Variants in PRELID2 observed in about 807,000 individuals in gnomAD.
PRELID2 encodes the protein PRELI domain-containing protein 2.
In PRELID2, 25 loss-of-function variants were observed where a neutral mutation model predicts 28.4. The observed-to-expected ratio is 0.88, with a 90% CI of 0.64 to 1.23. PRELID2 has a LOEUF of 1.23. Among genes scored for constraint, PRELID2 ranks in the 50% most tolerant of loss-of-function variants. The probability of loss-of-function intolerance (pLI) is 0.00; values close to 1 mark genes in which losing one functional copy is unlikely to be tolerated. For synonymous variants in PRELID2, 76 were observed against 71.6 expected, an observed-to-expected ratio of 1.06 and a Z score of -0.31; for missense variants, 201 against 214.4, an observed-to-expected ratio of 0.94 and a Z score of 0.39.
intron 1 of PRELID2, among the ~76,000 whole-genome samples, chr5:145,652,833 C>T (rs1754322205): frequency 6.6e-6 from 1 of 152,166 alleles, no homozygotes; most frequent in Admixed American, 6.5e-5. Context: ...TAGAAAGAAA[C>T]TGCATCAATT....
At chr5:145,325,264 C>T in the PRELID2 span, among the ~76,000 whole-genome samples, 5 of 152,182 alleles carry the variant, frequency 3.3e-5, no homozygotes, top group African/African-American at 1.2e-4. Flanking sequence ...TATTATTTCT[C>T]AGGCATAATT....
At chr5:145,790,013 G>A (rs1752261902) in intron 5 of PRELID2, among the ~76,000 whole-genome samples, 1 of 152,188 alleles carries the variant, frequency 6.6e-6, no homozygotes, top group Admixed American at 6.5e-5. Context: ...TGGCAAGAAT[G>A]AGGAGAAAAG....
At chr5:145,725,961 T>C (rs890228840) in intron 1 of PRELID2, among the ~76,000 whole-genome samples, 1 of 152,068 alleles carries the variant, frequency 6.6e-6, no homozygotes, top group African/African-American at 2.4e-5. Context: ...GGCAGGTAGA[T>C]CACTTGAGCC....
Position 145,729,020 on chromosome 5 carries a change from A to G in PRELID2, n.70+35911T>C, listed in dbSNP as rs142299251. On this transcript the variant is annotated intron_variant and non_coding_transcript_variant, in intron 1 of 2. Coordinates refer to the PRELID2 transcript ENST00000510259. ...CCCACTCCCTCCTGGCCAAAGTAAC[A>G]TTGGGAGATAATGTGAAATACTACA... 1.3e-4 allele frequency: 89 copies of G among 686,264 alleles called. 2 individuals carry two copies. The highest frequency in any genetic ancestry group is 1.2e-3 in the African/African-American group (70 of 56,086). 42.5% of individuals were successfully genotyped at this position (686,264 alleles called of 1,614,324 possible). A position where few individuals can be genotyped will look rare whatever the true frequency, so the allele number is the denominator to read the frequency against.
the PRELID2 span, among the ~76,000 whole-genome samples, chr5:145,459,758 T>G: frequency 6.6e-6 from 1 of 152,076 alleles, no homozygotes; most frequent in Non-Finnish European, 1.5e-5. Flanking sequence ...TTTTCTTTAT[T>G]ATCTATAGTT....
the PRELID2 span, among the ~76,000 whole-genome samples, chr5:145,260,673 G>T: frequency 6.6e-6 from 1 of 152,134 alleles, no homozygotes; most frequent in Non-Finnish European, 1.5e-5. Context: ...TCAGAGAAAA[G>T]GGCAGAAAAA....
intron 1 of PRELID2, among the ~76,000 whole-genome samples, chr5:145,824,996 C>T (rs192317483): frequency 5.1e-4 from 78 of 151,864 alleles, no homozygotes; most frequent in African/African-American, 1.4e-3. Flanking sequence ...GAGGCTGAGG[C>T]GGGTGGATCA....
chr5:145,556,145 T>C lies in PRELID2; in HGVS notation n.71-82830A>G, dbSNP rs188822391. Among the ~76,000 whole-genome samples the C allele has an allele frequency of 2.2e-3, 292 of 131,800 alleles. 13 individuals are homozygous for C. The East Asian group carries it at 0.051, about 23-fold the overall frequency. 86.5% of individuals were successfully genotyped at this position (131,800 alleles called of 152,430 possible). A position where few individuals can be genotyped will look rare whatever the true frequency, so the allele number is the denominator to read the frequency against. ...GTGAGCCAAGATCACGCCACTGCAC[T>C]CCAGCCTGAGCAACAGAGCGAGACT... On this transcript the variant is annotated intron_variant and non_coding_transcript_variant, in intron 1 of 2. Transcript: ENST00000510259.
chr5:145,589,332 C>T (rs1186869258), intron 1 of PRELID2, among the ~76,000 whole-genome samples: 1 of 152,044 alleles, frequency 6.6e-6, no homozygotes, highest in Non-Finnish European at 1.5e-5. Flanking sequence ...TTACTCTACA[C>T]AAGGTGAATT....
chr5:145,595,463 C>A (rs1753291942), intron 1 of PRELID2, among the ~76,000 whole-genome samples: 1 of 152,130 alleles, frequency 6.6e-6, no homozygotes, highest in South Asian at 2.1e-4. Flanking sequence ...ACTGGCAAAG[C>A]TCCACCTTTG....
chr5:145,787,804 G>T (rs1229184650), intron 5 of PRELID2, among the ~76,000 whole-genome samples: 1 of 152,128 alleles, frequency 6.6e-6, no homozygotes, highest in African/African-American at 2.4e-5. Context: ...GCGTCCCAAA[G>T]TGCTGGGATT....
the PRELID2 span, chr5:145,429,810 C>T: frequency 1.3e-5 from 2 of 152,220 alleles, no homozygotes; most frequent in East Asian, 3.9e-4. Context: ...ACAATGTGCT[C>T]ATTCTGGGCC....
chr5:145,282,774 C>T, the PRELID2 span, among the ~76,000 whole-genome samples: 5 of 152,130 alleles, frequency 3.3e-5, no homozygotes, highest in Non-Finnish European at 5.9e-5. Context: ...CTGCCTCTGC[C>T]TCCCACTGTG....
chr5:145,678,678 T>C (rs1327806912), intron 1 of PRELID2, among the ~76,000 whole-genome samples: 2 of 152,184 alleles, frequency 1.3e-5, no homozygotes, highest in East Asian at 3.9e-4. Context: ...GCACAGTGTT[T>C]AGTACCACTA....
rs576049972 is a variant in PRELID2 at position 145,648,576 on chromosome 5, T to G, written n.70+116355A>C. Among the ~76,000 whole-genome samples, 292 of 151,576 alleles carry G rather than the reference T, an allele frequency of 1.9e-3. 1 individual carries two copies. The highest frequency in any genetic ancestry group is 6.7e-3 in the African/African-American group (279 of 41,478). On this transcript the variant is annotated intron_variant and non_coding_transcript_variant, in intron 1 of 2. Transcript: ENST00000510259. Reference sequence around the variant, plus strand: ...AATTTTTTTCTCTCTGCTATTAAGATTTCTTCTTAGCTCCTGGTTTACCTC... The same window carrying G: ...AATTTTTTTCTCTCTGCTATTAAGAGTTCTTCTTAGCTCCTGGTTTACCTC...
chr5:145,461,493 G>A, the PRELID2 span, among the ~76,000 whole-genome samples: 1 of 152,060 alleles, frequency 6.6e-6, no homozygotes, highest in Non-Finnish European at 1.5e-5. Flanking sequence ...TAGTAGAGAT[G>A]GGGTTTCACC....
At chr5:145,270,768 A>C in the PRELID2 span, among the ~76,000 whole-genome samples, 13 of 152,170 alleles carry the variant, frequency 8.5e-5, no homozygotes, top group Non-Finnish European at 1.9e-4. Flanking sequence ...TGTAAAATTA[A>C]TATCCTTACA....
chr5:145,348,226 C>T, the PRELID2 span, among the ~76,000 whole-genome samples: 1 of 152,176 alleles, frequency 6.6e-6, no homozygotes, highest in African/African-American at 2.4e-5. Context: ...TTTGCCATTG[C>T]CCTACCATTT....
At chr5:145,414,386 C>A in the PRELID2 span, among the ~76,000 whole-genome samples, 2 of 152,196 alleles carry the variant, frequency 1.3e-5, no homozygotes, top group African/African-American at 4.8e-5. Flanking sequence ...AGTAACCCCC[C>A]AGGCCTGCTG....
Sources: gnomAD v4.1 joint callset for allele counts (sites outside exome capture counted in the v4.1 genomes callset) on GRCh38, gnomAD v4.1.1 for gene constraint, MANE v1.5 for transcripts, NCBI Gene and HGNC (gene_info 2026-07-23, HGNC 2026-07-21) for gene names.